CHRDL1: variants seen among roughly 807,000 people sequenced by gnomAD.
The protein encoded by CHRDL1 is chordin-like protein 1.
Under a neutral mutation model 40.9 loss-of-function variants are expected in CHRDL1, and 19 were observed. That is an observed-to-expected ratio of 0.46 (90% CI 0.32 to 0.68). The LOEUF (loss-of-function observed/expected upper bound fraction) is 0.68, where lower values mean the gene tolerates loss of function less well. Among genes scored for constraint, CHRDL1 ranks in the 30% least tolerant of loss-of-function variants. The probability of loss-of-function intolerance (pLI) is 0.03; values close to 1 mark genes in which losing one functional copy is unlikely to be tolerated. For synonymous variants in CHRDL1, 136 were observed against 123.4 expected (o/e 1.10, Z -0.68); for missense variants, 329 against 352.1 (o/e 0.93, Z 0.53).
In CHRDL1 at chrX:110,680,643, A is replaced by T. The variant is rs775320324; in HGVS notation, c.1156+839T>A. Among the ~76,000 whole-genome samples the T allele has an allele frequency of 4.9e-4, 55 of 112,017 alleles. 1 individual carries two copies. Among genetic ancestry groups the T allele is most frequent in the African/African-American group, 1.5e-3 (47 of 30,805 alleles). ...AGCTCCCTGTGTAATGGTGATGCAT[A>T]CAGAAGTTCGAGTACTCTTGAGCCT... On this transcript the variant is annotated intron_variant, in intron 10 of 11. Coordinates refer to ENST00000372042, the MANE Select transcript of CHRDL1 (RefSeq NM_001143981.2).
At chrX:110,686,731 G>A (rs148263888) in intron 9 of CHRDL1, among the ~76,000 whole-genome samples, 1,156 of 108,454 alleles carry the variant, frequency 0.011, 12 homozygotes, top group African/African-American at 0.037. Context: ...AGTTTGAATA[G>A]CTGGGTGTGG....
At chrX:110,702,508 A>G (rs769052366) in intron 6 of CHRDL1, among the ~76,000 whole-genome samples, 59 of 111,985 alleles carry the variant, frequency 5.3e-4, no homozygotes, top group African/African-American at 1.8e-3. Flanking sequence ...TTCAGAGTCT[A>G]ATAATGAGTT....
intron 11 of CHRDL1, among the ~76,000 whole-genome samples, chrX:110,677,430 C>G (rs952624575): frequency 6.3e-5 from 7 of 111,328 alleles, no homozygotes; most frequent in African/African-American, 2.3e-4. Flanking sequence ...AGGATCATAC[C>G]AACTTCTTTC....
At chrX:110,717,060 A>AT (rs756951938) in intron 6 of CHRDL1, among the ~76,000 whole-genome samples, 1 of 111,702 alleles carries the variant, frequency 9.0e-6, no homozygotes, top group Non-Finnish European at 1.9e-5. Context: ...CTAAACTCAG[A>AT]TTTTTTAAAA....
intron 3 of CHRDL1, among the ~76,000 whole-genome samples, chrX:110,762,226 G>A (rs975851579): frequency 8.9e-6 from 1 of 112,125 alleles, no homozygotes; most frequent in African/African-American, 3.2e-5. Flanking sequence ...CAAAAAGCAA[G>A]AGAGGACAGA....
chrX:110,683,895 A>G (rs751961926), intron 9 of CHRDL1, among the ~76,000 whole-genome samples: 1 of 111,676 alleles, frequency 9.0e-6, no homozygotes, highest in African/African-American at 3.3e-5. Flanking sequence ...TTCCTGCCCA[A>G]CCTGCTGCCA....
At chrX:110,734,530 C>T (rs760316314) in intron 4 of CHRDL1, among the ~76,000 whole-genome samples, 2 of 111,858 alleles carry the variant, frequency 1.8e-5, no homozygotes, top group African/African-American at 6.5e-5. Flanking sequence ...CAAGAGGAAA[C>T]TGGAAATGGC....
At chrX:110,794,471 C>T (rs1047721877) in intron 1 of CHRDL1, among the ~76,000 whole-genome samples, 4 of 112,277 alleles carry the variant, frequency 3.6e-5, no homozygotes, top group Admixed American at 9.4e-5. Flanking sequence ...AACCCTGCAA[C>T]TAACACAGGT....
intron 8 of CHRDL1, among the ~76,000 whole-genome samples, chrX:110,692,286 T>G (rs1199882288): frequency 9.0e-6 from 1 of 111,645 alleles, no homozygotes; most frequent in East Asian, 2.8e-4. Context: ...GCCCTCTCCT[T>G]ACCCCAAAAA....
intron 2 of CHRDL1, among the ~76,000 whole-genome samples, chrX:110,776,296 A>G (rs1433416625): frequency 8.9e-6 from 1 of 111,839 alleles, no homozygotes; most frequent in East Asian, 2.8e-4. Flanking sequence ...AAATTCCCTC[A>G]ATTTTTGTCT....
At chrX:110,782,871 A>G (rs1008740670) in intron 2 of CHRDL1, among the ~76,000 whole-genome samples, 13 of 112,244 alleles carry the variant, frequency 1.2e-4, no homozygotes, top group African/African-American at 4.2e-4. Context: ...TCTTACTCAA[A>G]CACTAACTGC....
intron 7 of CHRDL1, among the ~76,000 whole-genome samples, chrX:110,699,724 C>T (rs1381175664): frequency 8.9e-6 from 1 of 112,124 alleles, no homozygotes; most frequent in Non-Finnish European, 1.9e-5. Flanking sequence ...CTTAACATAT[C>T]TTGGAGCTCA....
chrX:110,691,633 G>C (rs949728562), intron 8 of CHRDL1, among the ~76,000 whole-genome samples: 4 of 111,852 alleles, frequency 3.6e-5, no homozygotes, highest in African/African-American at 1.3e-4. Flanking sequence ...CAAGACAATG[G>C]CCTCAGAAGG....
intron 3 of CHRDL1, among the ~76,000 whole-genome samples, chrX:110,761,269 A>G (rs2089558994): frequency 9.0e-6 from 1 of 111,722 alleles, no homozygotes; most frequent in Non-Finnish European, 1.9e-5. Context: ...GTCTGTCTTT[A>G]TTCTAGAACC....
At chrX:110,783,905 C>T (rs930900326) in intron 2 of CHRDL1, among the ~76,000 whole-genome samples, 1 of 111,841 alleles carries the variant, frequency 8.9e-6, no homozygotes, top group Admixed American at 9.5e-5. Flanking sequence ...AGAAAACATT[C>T]CCAAGAACTG....
At chrX:110,748,686 A>G in intron 4 of CHRDL1, among the ~76,000 whole-genome samples, 1 of 112,429 alleles carries the variant, frequency 8.9e-6, no homozygotes, top group Middle Eastern at 4.6e-3. Flanking sequence ...GACACACTAC[A>G]TCCTGGATGA....
At position 110,764,439 on chromosome X, in the gene CHRDL1, A is replaced by G. The variant is rs150887308; in HGVS notation, c.95-1632T>C. ...ACCAGTTCCCAAACAATACTTTCAT[A>G]ATTTCTTACACTTGTCTTACTTTGA... is the stretch of plus-strand genomic sequence containing the variant. On this transcript the variant is annotated intron_variant, in intron 2 of 11. Transcript: ENST00000372042. Among the ~76,000 whole-genome samples the G allele has an allele frequency of 1.4e-4, 16 of 111,870 alleles. 1 individual carries two copies. The East Asian group carries it at 4.5e-3, about 31-fold the overall frequency.
At chrX:110,694,576 A>C (rs1030732028) in intron 7 of CHRDL1, among the ~76,000 whole-genome samples, 8 of 112,102 alleles carry the variant, frequency 7.1e-5, no homozygotes, top group African/African-American at 2.6e-4. Flanking sequence ...AAAAGATAGG[A>C]CTAGATTTAC....
chrX:110,680,034 C>T (rs1300748038), intron 10 of CHRDL1, among the ~76,000 whole-genome samples: 1 of 112,036 alleles, frequency 8.9e-6, no homozygotes, highest in Non-Finnish European at 1.9e-5. Context: ...ATCACAATAA[C>T]AGGTAGACAA....
Sources: gnomAD v4.1 joint callset for allele counts (sites outside exome capture counted in the v4.1 genomes callset) on GRCh38, gnomAD v4.1.1 for gene constraint, MANE v1.5 for transcripts, NCBI Gene and HGNC (gene_info 2026-07-23, HGNC 2026-07-21) for gene names.